The following THADA variants were observed in gnomAD, a reference collection of about 807,000 sequenced individuals.
THADA encodes THADA armadillo repeat containing.
A neutral mutation model predicts 219.8 loss-of-function variants in THADA; 213 were observed. The observed-to-expected ratio is 0.97, with a 90% CI of 0.87 to 1.09. The LOEUF is 1.09. THADA is among the 50% of genes least tolerant of loss of function. The pLI is 0.00. For synonymous variants in THADA, 1,018 were observed against 828.9 expected, an observed-to-expected ratio of 1.23 and a Z score of -3.92; for missense variants, 2,956 against 2,311.3, an observed-to-expected ratio of 1.28 and a Z score of -5.72.
chr2:43,497,384 C>A (rs1446681484), intron 25 of THADA, among the ~76,000 whole-genome samples: 2 of 152,152 alleles, frequency 1.3e-5, no homozygotes, highest in Non-Finnish European at 2.9e-5. Context: ...ATGTCCTTTG[C>A]AGGGACATGG....
chr2:43,557,218 G>A (rs1368766938), intron 16 of THADA, among the ~76,000 whole-genome samples: 1 of 152,180 alleles, frequency 6.6e-6, no homozygotes, highest in Non-Finnish European at 1.5e-5. Context: ...TTATTAATCA[G>A]CTGGAAATAA....
chr2:43,296,264 G>A (rs893147442), intron 31 of THADA, among the ~76,000 whole-genome samples: 1 of 151,288 alleles, frequency 6.6e-6, no homozygotes, highest in Non-Finnish European at 1.5e-5. Context: ...AGCTCACCAG[G>A]AGGCATCTTT....
At chr2:43,469,479 G>A (rs948617425) in intron 26 of THADA, among the ~76,000 whole-genome samples, 2 of 151,848 alleles carry the variant, frequency 1.3e-5, no homozygotes, top group Non-Finnish European at 2.9e-5. Context: ...AAAAAACACG[G>A]AAATTTCCCC....
chr2:43,561,671 G>C (rs1698079803), intron 15 of THADA, among the ~76,000 whole-genome samples: 1 of 152,126 alleles, frequency 6.6e-6, no homozygotes. Context: ...CGACACCTGA[G>C]GTTTTTGTTA....
chr2:43,306,906 T>C (rs1676929551), intron 31 of THADA, among the ~76,000 whole-genome samples: 1 of 152,222 alleles, frequency 6.6e-6, no homozygotes, highest in Admixed American at 6.5e-5. Context: ...TCTCCCAATG[T>C]TGGCTTTTTC....
intron 26 of THADA, among the ~76,000 whole-genome samples, chr2:43,460,273 C>G (rs1330680151): frequency 7.1e-6 from 1 of 141,490 alleles, no homozygotes; most frequent in African/African-American, 2.7e-5. Context: ...AAAAAGTAAG[C>G]CAGAAAGCTG....
intron 21 of THADA, among the ~76,000 whole-genome samples, chr2:43,530,612 T>C (rs1418402588): frequency 6.6e-6 from 1 of 152,220 alleles, no homozygotes; most frequent in African/African-American, 2.4e-5. Context: ...TTAATTTTTT[T>C]CCCAAAATGT....
intron 22 of THADA, among the ~76,000 whole-genome samples, chr2:43,519,226 T>C (rs563518921): frequency 6.6e-6 from 1 of 152,202 alleles, no homozygotes; most frequent in East Asian, 1.9e-4. Flanking sequence ...TTTATCAATA[T>C]TTTTATCCTA....
At chr2:43,517,442 C>T (rs1350760846) in intron 22 of THADA, among the ~76,000 whole-genome samples, 30 of 152,116 alleles carry the variant, frequency 2.0e-4, no homozygotes, top group Admixed American at 1.9e-3. Context: ...TAAGCCTCTG[C>T]CAATATCTTT....
intron 10 of THADA, among the ~76,000 whole-genome samples, chr2:43,576,601 T>C (rs1345911806): frequency 6.6e-6 from 1 of 152,194 alleles, no homozygotes; most frequent in Non-Finnish European, 1.5e-5. Context: ...ACATTGAAAA[T>C]GTTAAAAATT....
chr2:43,363,391 G>T (rs1000471163), intron 29 of THADA, among the ~76,000 whole-genome samples: 1 of 152,186 alleles, frequency 6.6e-6, no homozygotes, highest in African/African-American at 2.4e-5. Flanking sequence ...GTCTGTGGTT[G>T]ACTGAAATGC....
intron 29 of THADA, among the ~76,000 whole-genome samples, chr2:43,355,881 C>T (rs1183915952): frequency 6.6e-6 from 1 of 151,990 alleles, no homozygotes; most frequent in Non-Finnish European, 1.5e-5. Flanking sequence ...CATGGGGATT[C>T]ATTATATTAT....
At chr2:43,403,922 G>A (rs1259552135) in intron 28 of THADA, among the ~76,000 whole-genome samples, 1 of 151,962 alleles carries the variant, frequency 6.6e-6, no homozygotes, top group African/African-American at 2.4e-5. Flanking sequence ...GTCAGCTCCT[G>A]GGAAATGGTC....
intron 15 of THADA, among the ~76,000 whole-genome samples, chr2:43,561,243 A>G (rs1319419399): frequency 1.3e-5 from 2 of 152,214 alleles, no homozygotes; most frequent in Non-Finnish European, 2.9e-5. Context: ...TAATGGAGCA[A>G]TGCTTACAAA....
At chr2:43,508,813 T>C in intron 22 of THADA, 33 bp from the exon 23 acceptor site, 1 of 1,607,882 alleles carries the variant, frequency 6.2e-7, no homozygotes, top group Non-Finnish European at 8.5e-7. Flanking sequence ...TATTCGGAAT[T>C]AGGTATCAAA....
intron 26 of THADA, among the ~76,000 whole-genome samples, chr2:43,453,603 T>C (rs1186483766): frequency 6.6e-6 from 1 of 152,242 alleles, no homozygotes; most frequent in Admixed American, 6.5e-5. Context: ...TATTCCAAGA[T>C]GAGAGTCCTG....
intron 17 of THADA, among the ~76,000 whole-genome samples, chr2:43,553,910 A>G (rs375198492): frequency 6.6e-6 from 1 of 152,110 alleles, no homozygotes; most frequent in Admixed American, 6.5e-5. Flanking sequence ...GTTCATGTGT[A>G]TATCTTCTTT....
intron 16 of THADA, among the ~76,000 whole-genome samples, chr2:43,558,662 T>C (rs919349127): frequency 2.0e-5 from 3 of 152,218 alleles, no homozygotes; most frequent in African/African-American, 4.8e-5. Context: ...TCTTCAGCTT[T>C]AGCTTCCTTG....
intron 20 of THADA, among the ~76,000 whole-genome samples, chr2:43,545,853 T>A (rs902266005): frequency 1.3e-5 from 2 of 152,260 alleles, no homozygotes; most frequent in Admixed American, 1.3e-4. Context: ...TTTTGAAGGG[T>A]TTTTTGTGTC....
Sources: gnomAD v4.1 joint callset for allele counts (sites outside exome capture counted in the v4.1 genomes callset) on GRCh38, gnomAD v4.1.1 for gene constraint, MANE v1.5 for transcripts, NCBI Gene and HGNC (gene_info 2026-07-23, HGNC 2026-07-21) for gene names.